The following EXOC6B variants were observed in gnomAD, a reference collection of about 807,000 sequenced individuals.
EXOC6B encodes SEC15 homolog B.
Under a neutral mutation model 113.5 loss-of-function variants are expected in EXOC6B, and 54 were observed. The ratio of observed to expected loss-of-function variants is 0.48; its 90% confidence interval spans 0.38 to 0.60. EXOC6B has a LOEUF of 0.60. Among genes scored for constraint, EXOC6B ranks in the 20% least tolerant of loss-of-function variants. The pLI is 0.00. For synonymous variants in EXOC6B, 357 were observed against 339.0 expected (o/e 1.05, Z -0.58); for missense variants, 797 against 977.5 (o/e 0.82, Z 2.46).
At chr2:72,433,669 T>C (rs1695680015) in intron 18 of EXOC6B, among the ~76,000 whole-genome samples, 1 of 152,216 alleles carries the variant, frequency 6.6e-6, no homozygotes, top group East Asian at 1.9e-4. Flanking sequence ...TTTGTAGCAA[T>C]TGTGAATCGG....
chr2:72,312,279 C>T (rs1261950871), intron 20 of EXOC6B, among the ~76,000 whole-genome samples: 3 of 151,014 alleles, frequency 2.0e-5, no homozygotes, highest in Non-Finnish European at 4.4e-5. Flanking sequence ...AGAAACCAAG[C>T]GGGCCATCCC....
chr2:72,639,117 G>A (rs1673053518), intron 6 of EXOC6B, among the ~76,000 whole-genome samples: 1 of 152,110 alleles, frequency 6.6e-6, no homozygotes, highest in South Asian at 2.1e-4. Context: ...TCCCCACATT[G>A]CTTTGCTGGT....
intron 11 of EXOC6B, among the ~76,000 whole-genome samples, chr2:72,506,512 T>C (rs1700604952): frequency 6.6e-6 from 1 of 152,154 alleles, no homozygotes; most frequent in South Asian, 2.1e-4. Flanking sequence ...GTTTAACCTA[T>C]CTATCTACTT....
chr2:72,767,300 G>A (rs1247546107), intron 1 of EXOC6B, among the ~76,000 whole-genome samples: 2 of 151,756 alleles, frequency 1.3e-5, no homozygotes, highest in Non-Finnish European at 2.9e-5. Context: ...GTGTAGTGCC[G>A]GGCGCCTGTA....
chr2:72,784,525 TG>T (rs1221261560), intron 1 of EXOC6B, among the ~76,000 whole-genome samples: 1 of 152,156 alleles, frequency 6.6e-6, no homozygotes, highest in East Asian at 1.9e-4. Flanking sequence ...TCCACATGGC[TG>T]GGGAGGCCTC....
intron 17 of EXOC6B, among the ~76,000 whole-genome samples, chr2:72,467,177 A>G (rs1047081329): frequency 6.6e-6 from 1 of 152,198 alleles, no homozygotes; most frequent in African/African-American, 2.4e-5. Context: ...TTCTTTTGTA[A>G]GACTGTATAG....
intron 6 of EXOC6B, among the ~76,000 whole-genome samples, chr2:72,629,219 T>G (rs1206812539): frequency 6.6e-6 from 1 of 152,194 alleles, no homozygotes; most frequent in African/African-American, 2.4e-5. Context: ...ATTCCAGATG[T>G]ATTCCAAACA....
chr2:72,606,242 G>A (rs569480797), intron 6 of EXOC6B, among the ~76,000 whole-genome samples: 148 of 151,762 alleles, frequency 9.8e-4, no homozygotes, highest in African/African-American at 3.4e-3. Flanking sequence ...GGCCCAAATC[G>A]TCATTTACCC....
At chr2:72,381,363 TTTAAG>T (rs1013290053) in intron 18 of EXOC6B, among the ~76,000 whole-genome samples, 1 of 152,152 alleles carries the variant, frequency 6.6e-6, no homozygotes, top group Non-Finnish European at 1.5e-5. Context: ...ATGCTGGAGA[TTTAAG>T]TTATTTCTTT....
At chr2:72,710,603 T>G (rs1226246255) in intron 6 of EXOC6B, among the ~76,000 whole-genome samples, 5 of 152,274 alleles carry the variant, frequency 3.3e-5, no homozygotes, top group Admixed American at 2.6e-4. Context: ...TCTGTGCATG[T>G]TTTGCATAAT....
At chr2:72,414,509 A>C (rs1694395355) in intron 18 of EXOC6B, among the ~76,000 whole-genome samples, 1 of 152,250 alleles carries the variant, frequency 6.6e-6, no homozygotes, top group Non-Finnish European at 1.5e-5. Flanking sequence ...TGTGACAAGA[A>C]GACAAAGAAC....
At position 72,306,826 on chromosome 2, in the gene EXOC6B, G is replaced by GA. The variant is rs1291082870; in HGVS notation, c.2196+28120dup. Among the ~76,000 whole-genome samples the GA allele has an allele frequency of 3.3e-5, 5 of 151,990 alleles. No individual in the cohort carries two copies. In the South Asian group the frequency reaches 6.2e-4, roughly 19 times the overall value. ...ATGCTCTTAATCTCCAAAATTCTGG[G>GA]AAAAAACATGATAATAGTTCCTAAT... On this transcript the variant is annotated intron_variant, in intron 20 of 21. Coordinates refer to ENST00000272427, the MANE Select transcript of EXOC6B (RefSeq NM_015189.3).
At chr2:72,458,844 G>T (rs1697425199) in intron 18 of EXOC6B, among the ~76,000 whole-genome samples, 1 of 151,994 alleles carries the variant, frequency 6.6e-6, no homozygotes. Context: ...GTGTGGTGCT[G>T]AAATATGACA....
At chr2:72,574,089 C>A (rs1704678188) in intron 7 of EXOC6B, among the ~76,000 whole-genome samples, 1 of 146,800 alleles carries the variant, frequency 6.8e-6, no homozygotes, top group Non-Finnish European at 1.5e-5. Flanking sequence ...GCACTCCAGC[C>A]TGGGCGACAG....
intron 6 of EXOC6B, among the ~76,000 whole-genome samples, chr2:72,655,751 A>G (rs1021628051): frequency 2.0e-5 from 3 of 152,116 alleles, no homozygotes; most frequent in African/African-American, 7.2e-5. Flanking sequence ...CAAAATTACA[A>G]ATTGCACTTT....
intron 6 of EXOC6B, among the ~76,000 whole-genome samples, chr2:72,599,328 T>C (rs1041168492): frequency 6.6e-6 from 1 of 151,872 alleles, no homozygotes; most frequent in Non-Finnish European, 1.5e-5. Flanking sequence ...AAACAAAAAA[T>C]AAGCATTTGA....
intron 20 of EXOC6B, among the ~76,000 whole-genome samples, chr2:72,325,665 C>T (rs1040744201): frequency 5.9e-5 from 9 of 151,892 alleles, no homozygotes; most frequent in African/African-American, 2.2e-4. Flanking sequence ...GAGGGAAGAA[C>T]CCTCAAAGAG....
At chr2:72,370,233 T>C (rs558386020) in intron 19 of EXOC6B, among the ~76,000 whole-genome samples, 63 of 152,316 alleles carry the variant, frequency 4.1e-4, no homozygotes, top group Admixed American at 7.2e-4. Flanking sequence ...AAAGAAGACA[T>C]TGATGCAGCC....
chr2:72,739,718 T>C (rs968370326), intron 2 of EXOC6B, among the ~76,000 whole-genome samples: 24 of 152,116 alleles, frequency 1.6e-4, no homozygotes, highest in African/African-American at 5.8e-4. Flanking sequence ...AGACCTAACT[T>C]ACTTTAAATG....
Sources: gnomAD v4.1 joint callset for allele counts (sites outside exome capture counted in the v4.1 genomes callset) on GRCh38, gnomAD v4.1.1 for gene constraint, MANE v1.5 for transcripts, NCBI Gene and HGNC (gene_info 2026-07-23, HGNC 2026-07-21) for gene names.